The following CTNNBL1 variants were observed in gnomAD, a reference collection of about 807,000 sequenced individuals.
The protein encoded by CTNNBL1 is beta-catenin-like protein 1.
Under a neutral mutation model 72.7 loss-of-function variants are expected in CTNNBL1, and 31 were observed. The observed-to-expected ratio is 0.43, with a 90% CI of 0.32 to 0.58. CTNNBL1 has a LOEUF of 0.58. CTNNBL1 is among the 20% of genes least tolerant of loss of function. The probability of loss-of-function intolerance (pLI) is 0.08; values close to 1 mark genes in which losing one functional copy is unlikely to be tolerated. For missense variants in CTNNBL1, 534 were observed against 725.1 expected, an observed-to-expected ratio of 0.74 and a Z score of 3.03; for synonymous variants, 240 against 267.3, an observed-to-expected ratio of 0.90 and a Z score of 1.00.
At chr20:37,847,678 A>G (rs1020215948) in intron 13 of CTNNBL1, among the ~76,000 whole-genome samples, 3 of 152,202 alleles carry the variant, frequency 2.0e-5, no homozygotes, top group African/African-American at 7.2e-5. Flanking sequence ...AGGTACTAGC[A>G]GGAATTTTTC....
At chr20:37,777,964 A>C (rs187638636) in intron 9 of CTNNBL1, among the ~76,000 whole-genome samples, 1 of 152,318 alleles carries the variant, frequency 6.6e-6, no homozygotes, top group East Asian at 1.9e-4. Flanking sequence ...TCAACTCAAA[A>C]AAGATGTGCC....
chr20:37,806,594 T>C (rs1285885356), intron 11 of CTNNBL1, among the ~76,000 whole-genome samples: 2 of 152,352 alleles, frequency 1.3e-5, no homozygotes, highest in East Asian at 3.9e-4. Context: ...GTCAAGTGCA[T>C]GCGCAATGGG....
At position 37,822,059 on chromosome 20, in the gene CTNNBL1, G is replaced by A. The variant is rs532065205; in HGVS notation, c.1214-18043G>A. 2.0e-3 allele frequency among the ~76,000 whole-genome samples: 298 copies of A among 152,240 alleles called. 2 individuals are homozygous for A. The highest frequency in any genetic ancestry group is 2.9e-3 in the Non-Finnish European group (194 of 68,010). On this transcript the variant is annotated intron_variant, in intron 11 of 15. Transcript: ENST00000361383. ...AGTTGGGGAAACTAAGTCCCAGAAA[G>A]GAAGTGTGCCTTTCTGATTATTACT...
intron 11 of CTNNBL1, among the ~76,000 whole-genome samples, chr20:37,814,666 T>A (rs903936700): frequency 1.2e-4 from 19 of 152,182 alleles, no homozygotes; most frequent in African/African-American, 4.6e-4. Flanking sequence ...CCAGCAATTC[T>A]GAGGACTGGG....
intron 13 of CTNNBL1, among the ~76,000 whole-genome samples, chr20:37,856,761 A>AT (rs538544653): frequency 1.3e-5 from 2 of 152,032 alleles, no homozygotes; most frequent in Non-Finnish European, 1.5e-5. Flanking sequence ...ATCACTTACA[A>AT]TTTTTTTAAC....
At chr20:37,793,723 G>A (rs970081311) in intron 10 of CTNNBL1, among the ~76,000 whole-genome samples, 2 of 152,182 alleles carry the variant, frequency 1.3e-5, no homozygotes, top group African/African-American at 4.8e-5. Context: ...ATTTCAAAAT[G>A]TTATTAGCCC....
At chr20:37,704,607 A>T (rs1341323714) in intron 1 of CTNNBL1, among the ~76,000 whole-genome samples, 1 of 151,912 alleles carries the variant, frequency 6.6e-6, no homozygotes, top group Non-Finnish European at 1.5e-5. Flanking sequence ...GCTACTGGGG[A>T]TGCTGAAGTG....
rs753816229 is a variant in CTNNBL1, at chr20:37,777,685, A to T, written c.855A>T (p.Gly285=). The change falls in exon 9 of 16, where the codon GGA becomes GGT. Residue 285 remains glycine (G), a synonymous_variant. Transcript: ENST00000361383. The part of the protein sequence containing the change: ...ENRELLGELD[G]IDVLLQQLSV... The stretch of plus-strand genomic sequence containing the variant: ...GGGAATTGCTTGGGGAGCTGGATGG[A>T]ATCGATGTGCTTCTTCAGCAGTTAT... The T allele has an allele frequency of 6.2e-7, 1 of 1,613,766 alleles. No homozygotes were observed. Among genetic ancestry groups the T allele is most frequent in the Non-Finnish European group, 8.5e-7 (1 of 1,179,756 alleles).
chr20:37,780,009 G>A lies in CTNNBL1; in HGVS notation c.1031+674G>A, dbSNP rs1306164666. Among the ~76,000 whole-genome samples the A allele has an allele frequency of 2.0e-5, 3 of 151,930 alleles. No homozygotes were observed. The East Asian group carries it at 5.8e-4, about 29-fold the overall frequency. On this transcript the variant is annotated intron_variant, in intron 10 of 15. Coordinates refer to ENST00000361383, the MANE Select transcript of CTNNBL1 (RefSeq NM_030877.5). ...GACCCTGTCTAGGAAGGGGAGTAGAGAAGTGTGTGGGGGAAGGCTGAGGGG... is the reference window on the plus strand; with the variant it reads ...GACCCTGTCTAGGAAGGGGAGTAGAAAAGTGTGTGGGGGAAGGCTGAGGGG...
intron 1 of CTNNBL1, among the ~76,000 whole-genome samples, chr20:37,728,558 G>A (rs1272779823): frequency 6.6e-6 from 1 of 152,200 alleles, no homozygotes; most frequent in Non-Finnish European, 1.5e-5. Context: ...ATTCAGAGTG[G>A]TCAAATCTCA....
chr20:37,847,731 T>C (rs1287669688), intron 13 of CTNNBL1: 1 of 152,616 alleles, frequency 6.6e-6, no homozygotes, highest in Non-Finnish European at 1.5e-5. Flanking sequence ...TTCTCTTTTT[T>C]AGTTCCTGGG....
chr20:37,853,851 C>T (rs1342091121), intron 13 of CTNNBL1, among the ~76,000 whole-genome samples: 4 of 152,216 alleles, frequency 2.6e-5, no homozygotes, highest in African/African-American at 9.6e-5. Context: ...GTAAATATTC[C>T]ATGCCACAGA....
intron 7 of CTNNBL1, among the ~76,000 whole-genome samples, chr20:37,773,271 C>T (rs1470489436): frequency 6.6e-6 from 1 of 152,192 alleles, no homozygotes; most frequent in Non-Finnish European, 1.5e-5. Flanking sequence ...TATGTCTGAA[C>T]CTGCCCCATG....
intron 1 of CTNNBL1, among the ~76,000 whole-genome samples, chr20:37,732,607 T>C (rs1298581099): frequency 1.3e-5 from 2 of 152,220 alleles, no homozygotes; most frequent in Non-Finnish European, 2.9e-5. Flanking sequence ...CTTTACCCCA[T>C]GTGGTGGGAG....
At chr20:37,845,567 C>T (rs901137987) in intron 13 of CTNNBL1, among the ~76,000 whole-genome samples, 21 of 152,180 alleles carry the variant, frequency 1.4e-4, no homozygotes, top group African/African-American at 5.1e-4. Context: ...GTGAGGGATG[C>T]GTTTGTGAGC....
intron 1 of CTNNBL1, 138 bp downstream of exon 1, chr20:37,694,290 C>G: frequency 2.8e-6 from 2 of 710,202 alleles, no homozygotes; most frequent in Non-Finnish European, 2.2e-6. Flanking sequence ...GTCTCAGCCC[C>G]TCGTTTTACT....
intron 2 of CTNNBL1, among the ~76,000 whole-genome samples, chr20:37,735,716 G>A (rs2073165695): frequency 6.6e-6 from 1 of 152,104 alleles, no homozygotes; most frequent in African/African-American, 2.4e-5. Flanking sequence ...TGAATTTATG[G>A]GTAGCTCCCA....
At chr20:37,862,280 C>T (rs182572678) in intron 15 of CTNNBL1, among the ~76,000 whole-genome samples, 113 of 152,254 alleles carry the variant, frequency 7.4e-4, no homozygotes, top group African/African-American at 2.4e-3. Flanking sequence ...ATGGCATTTA[C>T]TTCTAATGCC....
At chr20:37,746,424 A>G in intron 3 of CTNNBL1, 44 bp from the exon 4 acceptor site, 1 of 1,597,310 alleles carries the variant, frequency 6.3e-7, no homozygotes, top group East Asian at 2.2e-5. Context: ...CTCATTGCTG[A>G]TAGTGCCCCT....
Sources: gnomAD v4.1 joint callset for allele counts (sites outside exome capture counted in the v4.1 genomes callset) on GRCh38, gnomAD v4.1.1 for gene constraint, MANE v1.5 for transcripts, NCBI Gene and HGNC (gene_info 2026-07-23, HGNC 2026-07-21) for gene names.